ARFGEF1: variants seen among roughly 807,000 people sequenced by gnomAD.
The protein encoded by ARFGEF1 is ARF guanine nucleotide exchange factor 1, also known as brefeldin A-inhibited guanine nucleotide-exchange protein 1.
A neutral mutation model predicts 231.0 loss-of-function variants in ARFGEF1; 42 were observed. That is an observed-to-expected ratio of 0.18 (90% CI 0.14 to 0.24). ARFGEF1 has a LOEUF of 0.24. Among genes scored for constraint, ARFGEF1 ranks in the 10% least tolerant of loss-of-function variants. The pLI is 1.00. For synonymous variants in ARFGEF1, 710 were observed against 732.3 expected, an observed-to-expected ratio of 0.97 and a Z score of 0.49; for missense variants, 1,345 against 2,192.0, an observed-to-expected ratio of 0.61 and a Z score of 7.72.
At chr8:67,184,414 A>G (rs1471208281) in intron 5 of ARFGEF1, among the ~76,000 whole-genome samples, 1 of 152,232 alleles carries the variant, frequency 6.6e-6, no homozygotes. Context: ...AGCTAATAAA[A>G]GAGAAGACAC....
chr8:67,302,993 G>A (rs183677237), intron 1 of ARFGEF1, among the ~76,000 whole-genome samples: 1 of 151,958 alleles, frequency 6.6e-6, no homozygotes, highest in East Asian at 1.9e-4. Context: ...GGGGCAGGGG[G>A]TTGAGGTGGG....
intron 4 of ARFGEF1, 30 bp downstream of exon 4, chr8:67,299,179 A>G (rs1806369237): frequency 1.5e-5 from 23 of 1,492,116 alleles, no homozygotes; most frequent in Non-Finnish European, 2.1e-5. Context: ...ACAGATTATT[A>G]ATAACAATTT....
chr8:67,272,225 G>A (rs2128896753), intron 9 of ARFGEF1, among the ~76,000 whole-genome samples: 1 of 152,250 alleles, frequency 6.6e-6, no homozygotes, highest in Admixed American at 6.5e-5. Context: ...AGGCTGGAGT[G>A]CAGCGATCTC....
intron 27 of ARFGEF1, among the ~76,000 whole-genome samples, chr8:67,226,560 T>C (rs1223971283): frequency 6.6e-6 from 1 of 152,100 alleles, no homozygotes; most frequent in African/African-American, 2.4e-5. Flanking sequence ...TAAAATAATA[T>C]AAGTGAAGTG....
intron 14 of ARFGEF1, among the ~76,000 whole-genome samples, chr8:67,265,205 A>AT (rs1804800211): frequency 6.6e-6 from 1 of 152,156 alleles, no homozygotes; most frequent in South Asian, 2.1e-4. Context: ...ATATGTGTAC[A>AT]TTTTTGTTGA....
intron 5 of ARFGEF1, among the ~76,000 whole-genome samples, chr8:67,188,601 T>C (rs1160506563): frequency 6.6e-6 from 1 of 152,220 alleles, no homozygotes; most frequent in Non-Finnish European, 1.5e-5. Flanking sequence ...ATCTTGGAAC[T>C]GCATGCTCTT....
intron 15 of ARFGEF1, among the ~76,000 whole-genome samples, chr8:67,258,550 G>T (rs2128889564): frequency 6.6e-6 from 1 of 151,934 alleles, no homozygotes; most frequent in Non-Finnish European, 1.5e-5. Context: ...CTGGTCTCCT[G>T]ACCTCAGGTA....
rs371257941 is a variant in ARFGEF1, at chr8:67,287,909, G to GA, written c.1027+45dup. ...CATTACAAAGTCTCCACAGTCAGAT[G>GA]AAATCCCATAGACAGAGTAAAATAA... On this transcript the variant is annotated intron_variant, in intron 7 of 38. Coordinates refer to ENST00000262215, the MANE Select transcript of ARFGEF1 (RefSeq NM_006421.5). 1.3e-3 allele frequency: 1,679 copies of GA among 1,317,516 alleles called. 17 individuals are homozygous for GA. In the African/African-American group the frequency reaches 0.022, roughly 18 times the overall value. The allele number at this position is 1,317,516 out of a possible 1,614,324, so 81.6% of individuals were successfully genotyped here. A position where few individuals can be genotyped will look rare whatever the true frequency, so the allele number is the denominator to read the frequency against.
intron 1 of ARFGEF1, among the ~76,000 whole-genome samples, chr8:67,335,068 G>C (rs1808279222): frequency 1.3e-5 from 2 of 149,182 alleles, no homozygotes; most frequent in Admixed American, 6.7e-5. Flanking sequence ...GTTAACAGTA[G>C]TTATTTATCT....
intron 1 of ARFGEF1, among the ~76,000 whole-genome samples, chr8:67,332,017 A>G (rs567018073): frequency 6.6e-6 from 1 of 152,332 alleles, no homozygotes; most frequent in Admixed American, 6.5e-5. Context: ...AAATCTGTGC[A>G]GCAAAACTTA....
chr8:67,196,560 CGGTTGGTAGACAA>C (rs1563823718), downstream of ARFGEF1, among the ~76,000 whole-genome samples: 1 of 152,162 alleles, frequency 6.6e-6, no homozygotes, highest in East Asian at 1.9e-4. Context: ...ATGTAATTAA[CGGTTGGTAGACAA>C]TATCAGACAA....
intron 11 of ARFGEF1, 45 bp from the exon 12 acceptor site, chr8:67,267,275 T>C (rs374983072): frequency 1.2e-6 from 2 of 1,600,296 alleles, no homozygotes; most frequent in Non-Finnish European, 1.7e-6. Context: ...ATCTAGGATA[T>C]GAGTACATTT....
chr8:67,259,384 G>A (rs1389029030), intron 15 of ARFGEF1, among the ~76,000 whole-genome samples: 3 of 152,010 alleles, frequency 2.0e-5, no homozygotes, highest in East Asian at 1.9e-4. Flanking sequence ...CCACCACCAC[G>A]CCCAGCTAAT....
At chr8:67,226,529 CAGAT>C (rs1202159938) in intron 27 of ARFGEF1, among the ~76,000 whole-genome samples, 3 of 152,072 alleles carry the variant, frequency 2.0e-5, no homozygotes, top group Non-Finnish European at 2.9e-5. Context: ...ATAATATACA[CAGAT>C]AGCTGTAAGC....
At chr8:67,315,494 G>A (rs1807269442) in intron 1 of ARFGEF1, among the ~76,000 whole-genome samples, 1 of 152,082 alleles carries the variant, frequency 6.6e-6, no homozygotes, top group South Asian at 2.1e-4. Flanking sequence ...CATATTTTGG[G>A]CCATAAAACA....
intron 14 of ARFGEF1, among the ~76,000 whole-genome samples, chr8:67,265,672 A>T (rs977369389): frequency 2.0e-5 from 3 of 152,214 alleles, no homozygotes. Flanking sequence ...TAGAAGTTTC[A>T]TATTTTAAAT....
chr8:67,261,735 G>A (rs1011809709), intron 14 of ARFGEF1, among the ~76,000 whole-genome samples: 1 of 152,078 alleles, frequency 6.6e-6, no homozygotes, highest in African/African-American at 2.4e-5. Context: ...CAAACTCCTG[G>A]GCTCAAATGA....
chr8:67,334,120 T>C lies in ARFGEF1; in HGVS notation c.124+9044A>G, dbSNP rs531794024. Among the ~76,000 whole-genome samples, 101 of 113,662 alleles carry C rather than the reference T, an allele frequency of 8.9e-4. 1 individual carries two copies. Among genetic ancestry groups the C allele is most frequent in the African/African-American group, 2.9e-3 (84 of 29,246 alleles). The allele number at this position is 113,662 out of a possible 152,430, so 74.6% of individuals were successfully genotyped here. On this transcript the variant is annotated intron_variant, in intron 1 of 38. Coordinates refer to ENST00000262215, the MANE Select transcript of ARFGEF1 (RefSeq NM_006421.5). ...CACTGCACTCCAGCCTGAGCAACAA[T>C]AGCTAAACTCCGTCTCAAAAAAAAA... is the stretch of plus-strand genomic sequence containing the variant.
At chr8:67,173,724 G>A (rs1336792769), downstream of ARFGEF1, 5 of 152,080 alleles carry the variant, frequency 3.3e-5, no homozygotes, top group African/African-American at 9.6e-5. Flanking sequence ...AGATTTACAC[G>A]TATTATCAAT....
Sources: allele counts gnomAD v4.1 joint callset (sites outside exome capture counted in the v4.1 genomes callset), GRCh38; gene constraint gnomAD v4.1.1; transcripts MANE v1.5; gene names NCBI Gene and HGNC (gene_info 2026-07-23, HGNC 2026-07-21).